Variants in ERBIN observed in about 807,000 individuals in gnomAD.
ERBIN encodes the protein erbb2 interacting protein.
Under a neutral mutation model 158.4 loss-of-function variants are expected in ERBIN, and 60 were observed. That is an observed-to-expected ratio of 0.38 (90% confidence interval 0.31 to 0.47). The LOEUF (loss-of-function observed/expected upper bound fraction) is 0.47, where lower values mean the gene tolerates loss of function less well. Among genes scored for constraint, ERBIN ranks in the 20% least tolerant of loss-of-function variants. The pLI, the probability that ERBIN is intolerant of heterozygous loss-of-function variation, is 0.99. For synonymous variants in ERBIN, 594 were observed against 557.2 expected (o/e 1.07, Z -0.93); for missense variants, 1,610 against 1,648.0 (o/e 0.98, Z 0.40).
chr5:65,935,815 C>T (rs1744009367), intron 1 of ERBIN, among the ~76,000 whole-genome samples: 1 of 152,176 alleles, frequency 6.6e-6, no homozygotes, highest in African/African-American at 2.4e-5. Context: ...GCTTTGAACT[C>T]ATGGCCTCAA....
Position 66,023,312 on chromosome 5 carries a change from G to C in ERBIN, c.620G>C (p.Ser207Thr). Residue 207 changes from serine (S) to threonine (T), a missense_variant, in exon 9 of 26, where the codon AGT becomes ACT. Physicochemically the swap from Ser to Thr is moderately conservative, Grantham distance 58. This residue lies in a region of ERBIN where 596 missense variants were observed against 711.9 expected (regional missense o/e 0.84). Coordinates refer to ENST00000284037, the MANE Select transcript of ERBIN (RefSeq NM_001253697.2). ...TEVPEVLEQL[S>T]GLKEFWMDAN... Reference sequence around the variant, plus strand: ...CAGCCTGAAGTACTTGAGCAACTAAGTGGATTGAAAGAGTTTTGGATGGAT... The same window carrying C: ...CAGCCTGAAGTACTTGAGCAACTAACTGGATTGAAAGAGTTTTGGATGGAT... The C allele has an allele frequency of 6.2e-7, 1 of 1,613,216 alleles. No homozygotes were observed. Among genetic ancestry groups the C allele is most frequent in the Non-Finnish European group, 8.5e-7 (1 of 1,179,452 alleles).
At chr5:66,048,807 G>T (rs765095504) in intron 19 of ERBIN, 26 bp downstream of exon 19, 1 of 1,326,488 alleles carries the variant, frequency 7.5e-7, no homozygotes, top group Non-Finnish European at 1.0e-6. Context: ...AAAGTGCTAA[G>T]AATAGAAATT....
intron 22 of ERBIN, 90 bp from the exon 23 acceptor site, chr5:66,074,934 A>G (rs1332171571): frequency 1.8e-6 from 2 of 1,122,698 alleles, no homozygotes; most frequent in East Asian, 4.9e-5. Flanking sequence ...TGAAAACTCT[A>G]GTGCTTTTGT....
intron 7 of ERBIN, among the ~76,000 whole-genome samples, chr5:66,019,036 T>C (rs1755396395): frequency 6.6e-6 from 1 of 152,202 alleles, no homozygotes; most frequent in Non-Finnish European, 1.5e-5. Flanking sequence ...TTTCACATGC[T>C]GATTTTATAT....
At chr5:66,065,256 G>C (rs1760857137) in intron 21 of ERBIN, among the ~76,000 whole-genome samples, 2 of 152,152 alleles carry the variant, frequency 1.3e-5, no homozygotes, top group Admixed American at 1.3e-4. Context: ...GTGTTTTTAA[G>C]AGACTGAAAA....
At chr5:65,994,640 T>A in intron 3 of ERBIN, 107 bp from the exon 4 acceptor site, 1 of 610,846 alleles carries the variant, frequency 1.6e-6, no homozygotes, top group Non-Finnish European at 2.9e-6. Flanking sequence ...CTGGTATTAG[T>A]GTAGGTTATA....
intron 21 of ERBIN, 46 bp downstream of exon 21, chr5:66,054,997 A>T (rs1020982346): frequency 6.7e-7 from 1 of 1,484,514 alleles, no homozygotes; most frequent in Non-Finnish European, 9.0e-7. Context: ...GAACTTAATT[A>T]TTTTCCTTAA....
chr5:66,054,650 A>G lies in ERBIN; in HGVS notation c.3332A>G (p.His1111Arg). 6.2e-7 allele frequency: 1 copy of G among 1,614,096 alleles called. No individual in the cohort carries two copies. The highest frequency in any genetic ancestry group is 8.5e-7 in the Non-Finnish European group (1 of 1,179,992). The change falls in exon 21 of 26, where the codon CAC becomes CGC. Residue 1111 changes from histidine (H) to arginine (R), a missense_variant. Coordinates refer to ENST00000284037, the MANE Select transcript of ERBIN (RefSeq NM_001253697.2). ...EGDYLSYREF[H>R]SAGRTPPMMP... ...GATTATTTATCATACAGAGAGTTCC[A>G]CTCAGCGGGAAGAACTCCTCCAATG...
At chr5:66,024,017 TA>T (rs1281682667) in intron 9 of ERBIN, among the ~76,000 whole-genome samples, 3 of 152,090 alleles carry the variant, frequency 2.0e-5, no homozygotes, top group East Asian at 1.9e-4. Context: ...TTTACTCCCA[TA>T]AAAAAAACCA....
chr5:65,988,279 G>A (rs550179181), intron 1 of ERBIN, among the ~76,000 whole-genome samples: 1 of 152,206 alleles, frequency 6.6e-6, no homozygotes, highest in Admixed American at 6.5e-5. Flanking sequence ...AGGCTGAGGT[G>A]GGAGGATTGA....
In ERBIN at chr5:66,054,257, AATACAG is replaced by A. The variant is rs759442054; in HGVS notation, c.2940_2945del (p.Gln980_Ser982delinsHis). The A allele has an allele frequency of 6.2e-7, 1 of 1,614,088 alleles. No individual in the cohort carries two copies. The highest frequency in any genetic ancestry group is 1.1e-5 in the South Asian group (1 of 91,078). Reference sequence around the variant, plus strand: ...TATGGTCCTCCACAGTATAATATCCAATACAGTAGCAGTGCTGCAGTCAAAGACACT... The same window carrying A: ...TATGGTCCTCCACAGTATAATATCCATAGCAGTGCTGCAGTCAAAGACACT... On this transcript the variant is annotated inframe_deletion, in exon 21 of 26. Transcript: ENST00000284037.
intron 1 of ERBIN, among the ~76,000 whole-genome samples, chr5:65,941,772 GT>G (rs1318326748): frequency 2.0e-5 from 3 of 151,598 alleles, no homozygotes; most frequent in Non-Finnish European, 2.9e-5. Context: ...ACGGAGTGTC[GT>G]TTTGTCGCCC....
At chr5:66,059,887 C>T (rs995549228) in intron 21 of ERBIN, among the ~76,000 whole-genome samples, 8 of 152,154 alleles carry the variant, frequency 5.3e-5, no homozygotes, top group Non-Finnish European at 2.9e-5. Context: ...AGGGATGAAG[C>T]CCACTTGATC....
chr5:66,081,636 ATATC>A lies in ERBIN; in HGVS notation c.*3109_*3112del, dbSNP rs201597086. 6.2e-3 allele frequency: 948 copies of A among 152,180 alleles called. 12 individuals are homozygous for A. Among genetic ancestry groups the A allele is most frequent in the African/African-American group, 0.022 (908 of 41,552 alleles). 9.4% of individuals were successfully genotyped at this position (152,180 alleles called of 1,614,324 possible). A position where few individuals can be genotyped will look rare whatever the true frequency, so the allele number is the denominator to read the frequency against. ...TTTTTTTTTAGCATTAAAACCCTGTATATCTAGGTGTGGAAGAAGTGTAGTTTAT... is the reference window on the plus strand; with the variant it reads ...TTTTTTTTTAGCATTAAAACCCTGTATAGGTGTGGAAGAAGTGTAGTTTAT... On this transcript the variant is annotated 3_prime_UTR_variant, in exon 26 of 26. Transcript: ENST00000284037.
intron 2 of ERBIN, among the ~76,000 whole-genome samples, chr5:65,990,156 G>A (rs369280686): frequency 2.4e-4 from 37 of 152,266 alleles, no homozygotes; most frequent in African/African-American, 8.7e-4. Context: ...TGAAGGAGGA[G>A]TATGTAGTGA....
At chr5:66,060,944 G>C (rs1225742299) in intron 21 of ERBIN, among the ~76,000 whole-genome samples, 3 of 152,274 alleles carry the variant, frequency 2.0e-5, no homozygotes, top group African/African-American at 7.2e-5. Flanking sequence ...ATTTGCTGAG[G>C]AGTGCTTGCT....
chr5:65,970,614 C>T (rs1236957381), intron 1 of ERBIN, among the ~76,000 whole-genome samples: 1 of 152,136 alleles, frequency 6.6e-6, no homozygotes, highest in African/African-American at 2.4e-5. Context: ...TTAAGACGTG[C>T]TCTTGCTCTT....
At chr5:66,034,087 G>A (rs1438897726) in intron 14 of ERBIN, among the ~76,000 whole-genome samples, 3 of 147,668 alleles carry the variant, frequency 2.0e-5, no homozygotes, top group African/African-American at 7.5e-5. Context: ...CCACACTGTA[G>A]CCTGGGTGAC....
chr5:65,980,358 G>A (rs1750519126), intron 1 of ERBIN, among the ~76,000 whole-genome samples: 1 of 152,132 alleles, frequency 6.6e-6, no homozygotes, highest in East Asian at 1.9e-4. Flanking sequence ...AACCTGGGAG[G>A]TGGAGGTTGC....
Sources: allele counts gnomAD v4.1 joint callset (sites outside exome capture counted in the v4.1 genomes callset), GRCh38; gene constraint gnomAD v4.1.1; regional missense constraint gnomAD v4.1.1; transcripts MANE v1.5; gene names NCBI Gene and HGNC (gene_info 2026-07-23, HGNC 2026-07-21).